The following COL13A1 variants were observed in gnomAD, a reference collection of about 807,000 sequenced individuals.
COL13A1 encodes collagen type XIII alpha 1 chain, also known as collagen alpha-1(XIII) chain.
Under a neutral mutation model 130.9 loss-of-function variants are expected in COL13A1, and 89 were observed. The observed-to-expected ratio is 0.68, with a 90% CI of 0.57 to 0.81. The LOEUF is 0.81. Ranked by LOEUF, COL13A1 falls within the 30% of genes least tolerant of loss-of-function variation. COL13A1 has a pLI of 0.00. For missense variants in COL13A1, 879 were observed against 934.6 expected (o/e 0.94, Z 0.78); for synonymous variants, 402 against 341.6 (o/e 1.18, Z -1.95).
At chr10:69,839,926 G>A (rs188290747) in intron 2 of COL13A1, among the ~76,000 whole-genome samples, 20 of 152,198 alleles carry the variant, frequency 1.3e-4, no homozygotes, top group Admixed American at 2.6e-4. Context: ...GGGAGCCACC[G>A]GCTCTGGGCT....
At chr10:69,813,697 G>C (rs1843670929) in intron 1 of COL13A1, among the ~76,000 whole-genome samples, 1 of 152,168 alleles carries the variant, frequency 6.6e-6, no homozygotes. Context: ...GTTCTGGTGG[G>C]TGTGGGTTGG....
At chr10:69,820,206 A>AT (rs1023834076) in intron 1 of COL13A1, among the ~76,000 whole-genome samples, 2 of 151,860 alleles carry the variant, frequency 1.3e-5, no homozygotes, top group Non-Finnish European at 2.9e-5. Flanking sequence ...TTTTCTATTG[A>AT]TTTTTTTCTT....
chr10:69,904,517 AG>A (rs1363600109), intron 15 of COL13A1, among the ~76,000 whole-genome samples: 1 of 152,168 alleles, frequency 6.6e-6, no homozygotes, highest in Non-Finnish European at 1.5e-5. Context: ...AAGGAGACAG[AG>A]GGCTCCTCCA....
Position 69,944,195 on chromosome 10 carries a change from C to T in COL13A1, c.1968+17C>T, listed in dbSNP as rs776730362. ...GGCGAGAGGGTGAGTGTCACTGAGC[C>T]AGGGGCCTGGGCGGCCAGGAGGGAG... is the stretch of plus-strand genomic sequence containing the variant. On this transcript the variant is annotated intron_variant, in intron 36 of 40. Transcript: ENST00000645393. 6.2e-7 allele frequency: 1 copy of T among 1,612,568 alleles called. No individual in the cohort carries two copies.
intron 2 of COL13A1, among the ~76,000 whole-genome samples, chr10:69,834,753 G>A (rs1258990006): frequency 6.6e-6 from 1 of 152,182 alleles, no homozygotes. Flanking sequence ...GGAGAGGAAG[G>A]GTCAAAGTTC....
intron 17 of COL13A1, among the ~76,000 whole-genome samples, chr10:69,907,627 C>T (rs1565021692): frequency 1.3e-5 from 2 of 151,608 alleles, no homozygotes; most frequent in South Asian, 2.1e-4. Flanking sequence ...AACTAACCCA[C>T]TCCCACAATA....
intron 1 of COL13A1, among the ~76,000 whole-genome samples, chr10:69,819,726 C>A (rs1845554296): frequency 1.3e-5 from 2 of 152,188 alleles, no homozygotes; most frequent in East Asian, 3.9e-4. Flanking sequence ...CTGGATGGCC[C>A]ACCACAGCAC....
chr10:69,894,886 G>A, intron 12 of COL13A1, among the ~76,000 whole-genome samples, 185 bp downstream of exon 12: 1 of 152,174 alleles, frequency 6.6e-6, no homozygotes, highest in Non-Finnish European at 1.5e-5. Flanking sequence ...CTTGGAGTGA[G>A]GGGTCCTCCT....
At chr10:69,890,392 G>T (rs1175648322) in intron 10 of COL13A1, among the ~76,000 whole-genome samples, 1 of 152,208 alleles carries the variant, frequency 6.6e-6, no homozygotes, top group Non-Finnish European at 1.5e-5. Context: ...CCTGGGCTGG[G>T]GTGCATTTCT....
chr10:69,929,768 G>T (rs891222690), intron 28 of COL13A1, among the ~76,000 whole-genome samples: 1 of 152,192 alleles, frequency 6.6e-6, no homozygotes, highest in African/African-American at 2.4e-5. Flanking sequence ...GGAGGTTGTG[G>T]CTAAAACATG....
Position 69,904,942 on chromosome 10 carries a change from G to A in COL13A1, c.868G>A (p.Gly290Arg). Residue 290 changes from glycine (G) to arginine (R), a missense_variant, in exon 16 of 41, where the codon GGG becomes AGG. Gly to Arg is a moderately radical substitution (Grantham distance 125, BLOSUM62 -2). This residue lies in a region of COL13A1 where 715 missense variants were observed against 721.0 expected (regional missense o/e 0.99). Coordinates refer to ENST00000645393, the MANE Select transcript of COL13A1 (RefSeq NM_001368882.1). The stretch of plus-strand genomic sequence containing the variant: ...TTTTTTGCTTCCACAGGGCTTACCT[G>A]GGCCTCCTGGACCAAAGGTGAGTGT... Reference protein sequence around the residue: ...PGPMGPPGLPGPPGPKGDPGI... With the variant: ...PGPMGPPGLPRPPGPKGDPGI... The A allele has an allele frequency of 1.9e-6, 3 of 1,540,178 alleles. No individual in the cohort carries two copies. Among genetic ancestry groups the A allele is most frequent in the Non-Finnish European group, 2.6e-6 (3 of 1,145,020 alleles).
chr10:69,855,047 A>T (rs577178508), intron 2 of COL13A1, among the ~76,000 whole-genome samples: 8 of 152,330 alleles, frequency 5.3e-5, no homozygotes, highest in African/African-American at 1.7e-4. Flanking sequence ...TTTACTTGTG[A>T]TTTGACCTTG....
chr10:69,875,570 G>T (rs1261072515), intron 5 of COL13A1, among the ~76,000 whole-genome samples: 1 of 152,154 alleles, frequency 6.6e-6, no homozygotes, highest in Non-Finnish European at 1.5e-5. Flanking sequence ...GTGGAGCCAG[G>T]GTTCCCAGGG....
intron 2 of COL13A1, among the ~76,000 whole-genome samples, chr10:69,856,545 G>A (rs1589102642): frequency 7.3e-6 from 1 of 136,108 alleles, no homozygotes; most frequent in African/African-American, 2.7e-5. Flanking sequence ...CATGGAACAT[G>A]GAACTGAGAT....
At position 69,929,007 on chromosome 10, in the gene COL13A1, T is replaced by C. The variant is rs766940802; in HGVS notation, c.1485+8T>C. ...GGGATTCCAGGCCAGAAGGTAAATC[T>C]TATCTTGACAAAGGGGGTGAAGACT... On this transcript the variant is annotated splice_region_variant and intron_variant, in intron 28 of 40. Transcript: ENST00000645393. 2 of 1,611,786 alleles carry C rather than the reference T, an allele frequency of 1.2e-6. No homozygotes were observed. The highest frequency in any genetic ancestry group is 2.7e-5 in the African/African-American group (2 of 74,980).
At chr10:69,835,754 C>A (rs371950404) in intron 2 of COL13A1, among the ~76,000 whole-genome samples, 1 of 152,182 alleles carries the variant, frequency 6.6e-6, no homozygotes, top group Non-Finnish European at 1.5e-5. Context: ...AGTGGGAAAC[C>A]GAGGACTCGG....
At chr10:69,858,721 G>T (rs1177724868) in intron 2 of COL13A1, among the ~76,000 whole-genome samples, 4 of 152,174 alleles carry the variant, frequency 2.6e-5, no homozygotes, top group Non-Finnish European at 5.9e-5. Flanking sequence ...AAAGGAACTT[G>T]GAAGGGCTCA....
rs1047928103 is a variant in COL13A1 at position 69,905,182 on chromosome 10, C to T, written c.885+223C>T. 5.3e-5 allele frequency among the ~76,000 whole-genome samples: 8 copies of T among 152,174 alleles called. No homozygotes were observed. The South Asian group carries it at 6.2e-4, about 12-fold the overall frequency. On this transcript the variant is annotated intron_variant, in intron 16 of 40. Transcript: ENST00000645393. ...GCTCACGCCAATGAAGCTAGTGCTA[C>T]GGGCTGGCATTGAAGGCACAGTCCA...
At chr10:69,855,072 C>A (rs758193460) in intron 2 of COL13A1, among the ~76,000 whole-genome samples, 13 of 152,232 alleles carry the variant, frequency 8.5e-5, no homozygotes, top group Non-Finnish European at 1.6e-4. Context: ...ATCCGTGTAA[C>A]CTATGGAGCC....
Sources: allele counts gnomAD v4.1 joint callset (sites outside exome capture counted in the v4.1 genomes callset), GRCh38; gene constraint gnomAD v4.1.1; regional missense constraint gnomAD v4.1.1; transcripts MANE v1.5; gene names NCBI Gene and HGNC (gene_info 2026-07-23, HGNC 2026-07-21).